TJP2: variants seen among roughly 807,000 people sequenced by gnomAD.
TJP2 encodes the protein tight junction protein 2, also known as Friedreich ataxia region gene X104 (tight junction protein ZO-2).
A neutral mutation model predicts 133.1 loss-of-function variants in TJP2; 91 were observed. The ratio of observed to expected loss-of-function variants is 0.68; its 90% confidence interval spans 0.58 to 0.81. The LOEUF (loss-of-function observed/expected upper bound fraction) is 0.81. TJP2 is among the 40% of genes least tolerant of loss of function. The probability of loss-of-function intolerance (pLI) is 0.00; values close to 1 mark genes in which losing one functional copy is unlikely to be tolerated. For missense variants in TJP2, 1,541 were observed against 1,565.6 expected (o/e 0.98, Z 0.26); for synonymous variants, 592 against 583.4 (o/e 1.01, Z -0.21).
chr9:69,162,909 G>T (rs1824155213), intron 2 of TJP2, among the ~76,000 whole-genome samples: 1 of 152,088 alleles, frequency 6.6e-6, no homozygotes. Context: ...CCAAATGTGT[G>T]TTTGTACAAA....
chr9:69,172,914 G>A (rs1824768135), upstream of TJP2, among the ~76,000 whole-genome samples: 1 of 152,104 alleles, frequency 6.6e-6, no homozygotes, highest in South Asian at 2.1e-4. Flanking sequence ...TAGATCAGGA[G>A]AGCAATGCCT....
intron 1 of TJP2, among the ~76,000 whole-genome samples, chr9:69,191,271 C>G (rs1333383406): frequency 6.6e-6 from 1 of 152,184 alleles, no homozygotes; most frequent in Non-Finnish European, 1.5e-5. Context: ...TGTAGAAAGG[C>G]TATAAAACTG....
rs1829332412 is a variant in TJP2 at position 69,226,161 on chromosome 9, A to G, written c.1196A>G (p.Asp399Gly). 2 of 1,613,994 alleles carry G rather than the reference A, an allele frequency of 1.2e-6. No individual in the cohort carries two copies. Among genetic ancestry groups the G allele is most frequent in the Non-Finnish European group, 1.7e-6 (2 of 1,180,030 alleles). Reference sequence around the variant, plus strand: ...AACATCCCGTCATTAAATGACAGTGACTCAGAAATAGAAGGTAAAGGAAGA... The same window carrying G: ...AACATCCCGTCATTAAATGACAGTGGCTCAGAAATAGAAGGTAAAGGAAGA... Reference protein sequence around the residue: ...LINIPSLNDSDSEIEDISEIE... With the variant: ...LINIPSLNDSGSEIEDISEIE... The change falls in exon 7 of 23, where the codon GAC becomes GGC. Residue 399 changes from aspartate to glycine, a missense_variant. Transcript: ENST00000377245.
chr9:69,165,363 C>T (rs1479772079), intron 2 of TJP2, among the ~76,000 whole-genome samples: 1 of 152,086 alleles, frequency 6.6e-6, no homozygotes, highest in Non-Finnish European at 1.5e-5. Context: ...GTCTTGAACT[C>T]CTGGGCTCAT....
At chr9:69,173,402 A>G (rs1587964338), upstream of TJP2, among the ~76,000 whole-genome samples, 1 of 152,172 alleles carries the variant, frequency 6.6e-6, no homozygotes, top group East Asian at 1.9e-4. Flanking sequence ...AGGACTTCGA[A>G]AGGAATAAGC....
chr9:69,226,231 C>G (rs1027235010), intron 7 of TJP2, 56 bp downstream of exon 7: 1 of 1,574,996 alleles, frequency 6.3e-7, no homozygotes, highest in Non-Finnish European at 8.7e-7. Flanking sequence ...TGTTGCTTCC[C>G]CATTCTTCTA....
At chr9:69,163,528 T>C (rs1824196338) in intron 2 of TJP2, among the ~76,000 whole-genome samples, 1 of 151,772 alleles carries the variant, frequency 6.6e-6, no homozygotes, top group Admixed American at 6.6e-5. Flanking sequence ...CCCAGTTACT[T>C]GAGAGGCTGA....
intron 11 of TJP2, among the ~76,000 whole-genome samples, chr9:69,234,089 C>T (rs1430677269): frequency 2.0e-5 from 3 of 152,166 alleles, no homozygotes; most frequent in East Asian, 1.9e-4. Context: ...TTCTTGGCCA[C>T]CTCTGTGAGA....
chr9:69,156,721 C>T (rs1054630193), intron 2 of TJP2, among the ~76,000 whole-genome samples: 3 of 151,584 alleles, frequency 2.0e-5, no homozygotes, highest in East Asian at 3.9e-4. Flanking sequence ...TTAGTAGAGA[C>T]GGGGTTTCAC....
Position 69,221,380 on chromosome 9 carries a change from C to G in TJP2, c.836C>G (p.Ser279Cys). 1 of 1,582,464 alleles carries G rather than the reference C, an allele frequency of 6.3e-7. No homozygotes were observed. The highest frequency in any genetic ancestry group is 8.6e-7 in the Non-Finnish European group (1 of 1,165,088). The change falls in exon 5 of 23, where the codon TCT (serine) becomes TGT (cysteine). Residue 279 changes from serine to cysteine, a missense_variant. Physicochemically the swap from Ser to Cys is moderately radical, Grantham distance 112. Coordinates refer to ENST00000377245, the MANE Select transcript of TJP2 (RefSeq NM_004817.4). ...YRRGARHDAR[S>C]RGPRSRSREH... ...CGCGGGGCCCGCCACGATGCCCGCT[C>G]TCGGGGACCCCGAAGCCGCAGCCGC...
At chr9:69,242,076 A>G (rs1830613653) in intron 17 of TJP2, among the ~76,000 whole-genome samples, 1 of 152,216 alleles carries the variant, frequency 6.6e-6, no homozygotes, top group African/African-American at 2.4e-5. Context: ...CGGGAAGGGA[A>G]TTACAGTGCA....
At chr9:69,151,695 G>C in exon 2 of TJP2, 1 of 1,232,046 alleles carries the variant, frequency 8.1e-7, no homozygotes, top group Non-Finnish European at 1.0e-6. Context: ...GAGTGGGATT[G>C]GCACCCCGGC....
At chr9:69,217,287 A>C (rs1392620155) in intron 3 of TJP2, among the ~76,000 whole-genome samples, 2 of 152,168 alleles carry the variant, frequency 1.3e-5, no homozygotes, top group Admixed American at 1.3e-4. Context: ...CACCATACCC[A>C]GCTGGTAACA....
chr9:69,174,427 C>T lies in TJP2; in HGVS notation c.55C>T (p.Leu19Phe), dbSNP rs377762494. 459 of 1,551,270 alleles carry T rather than the reference C, an allele frequency of 3.0e-4. 2 individuals are homozygous for T. Among genetic ancestry groups the T allele is most frequent in the Non-Finnish European group, 5.1e-5 (58 of 1,147,016 alleles). The change falls in exon 1 of 23, where the codon CTC (leucine) becomes TTC (phenylalanine). Residue 19 changes from leucine (L) to phenylalanine (F), a missense_variant. Leu to Phe is a conservative substitution (Grantham distance 22, BLOSUM62 0). Coordinates refer to ENST00000377245, the MANE Select transcript of TJP2 (RefSeq NM_004817.4). ...FPPRRELSGWLRAPGMEELIW... is the reference protein window; with the variant it reads ...FPPRRELSGWFRAPGMEELIW... ...ACCCCGGCGGGAGCTGTCAGGTTGG[C>T]TCCGCGTAAGTGCCTCCTTGTGCCG... is the stretch of plus-strand genomic sequence containing the variant.
chr9:69,193,747 G>A (rs1271742189), intron 1 of TJP2, among the ~76,000 whole-genome samples: 2 of 150,532 alleles, frequency 1.3e-5, no homozygotes, highest in Non-Finnish European at 2.9e-5. Context: ...AATTAGGAAG[G>A]CTTGTTGATT....
intron 1 of TJP2, among the ~76,000 whole-genome samples, chr9:69,210,716 C>T (rs1470357135): frequency 6.7e-6 from 1 of 148,210 alleles, no homozygotes; most frequent in Non-Finnish European, 1.5e-5. Flanking sequence ...ATCTCTTCTT[C>T]TGGCCTTTTT....
rs766389310 is a variant in TJP2 at position 69,246,714 on chromosome 9, A to G, written c.2591A>G (p.Asn864Ser). The G allele has an allele frequency of 1.1e-5, 17 of 1,614,168 alleles. No individual in the cohort carries two copies. Among genetic ancestry groups the G allele is most frequent in the South Asian group, 6.6e-5 (6 of 91,086 alleles). Residue 864 changes from asparagine to serine, a missense_variant, in exon 18 of 23, where the codon AAT becomes AGT. Coordinates refer to ENST00000377245, the MANE Select transcript of TJP2 (RefSeq NM_004817.4). ...GCTACAATCAACCTAAATTCAGCCAATGATAGCTGGTTTGGCAGCTTAAAG... is the reference window on the plus strand; with the variant it reads ...GCTACAATCAACCTAAATTCAGCCAGTGATAGCTGGTTTGGCAGCTTAAAG... ...FTATINLNSA[N>S]DSWFGSLKDT...
intron 1 of TJP2, among the ~76,000 whole-genome samples, chr9:69,181,311 C>G (rs940754735): frequency 7.1e-6 from 1 of 140,588 alleles, no homozygotes; most frequent in East Asian, 2.1e-4. Context: ...TGCAATGGCC[C>G]GATCTCAGCT....
chr9:69,126,746 AC>A (rs1389532314), intron 1 of TJP2, among the ~76,000 whole-genome samples: 1 of 77,812 alleles, frequency 1.3e-5, no homozygotes, highest in East Asian at 3.8e-4. Flanking sequence ...CCATAAATTT[AC>A]CTAGCACTTT....
Sources: gnomAD v4.1 joint callset for allele counts (sites outside exome capture counted in the v4.1 genomes callset) on GRCh38, gnomAD v4.1.1 for gene constraint, MANE v1.5 for transcripts, NCBI Gene and HGNC (gene_info 2026-07-23, HGNC 2026-07-21) for gene names.